MAPRE2: variants seen among roughly 807,000 people sequenced by gnomAD.
MAPRE2 encodes the protein microtubule-associated protein RP/EB family member 2.
Under a neutral mutation model 43.2 loss-of-function variants are expected in MAPRE2, and 13 were observed. The ratio of observed to expected loss-of-function variants is 0.30; its 90% CI spans 0.20 to 0.48. The LOEUF is 0.48. Among genes scored for constraint, MAPRE2 ranks in the 20% least tolerant of loss-of-function variants. The probability of loss-of-function intolerance (pLI) is 0.99; values close to 1 mark genes in which losing one functional copy is unlikely to be tolerated. For missense variants in MAPRE2, 161 were observed against 400.2 expected (o/e 0.40, Z 5.10); for synonymous variants, 135 against 148.8 (o/e 0.91, Z 0.68).
At chr18:34,988,341 T>A (rs1289745433) in intron 1 of MAPRE2, among the ~76,000 whole-genome samples, 1 of 152,216 alleles carries the variant, frequency 6.6e-6, no homozygotes, top group Non-Finnish European at 1.5e-5. Flanking sequence ...TATCATAGAA[T>A]GAATTCTGAA....
intron 2 of MAPRE2, among the ~76,000 whole-genome samples, chr18:35,035,279 G>A (rs371100413): frequency 1.6e-4 from 24 of 150,642 alleles, no homozygotes; most frequent in African/African-American, 4.4e-4. Context: ...ACCAAACACC[G>A]CATGTTCTCA....
chr18:34,992,871 A>C (rs1238742537), intron 1 of MAPRE2, among the ~76,000 whole-genome samples: 1 of 152,142 alleles, frequency 6.6e-6, no homozygotes, highest in Non-Finnish European at 1.5e-5. Flanking sequence ...TCCTGAGCTC[A>C]CGTTTCCCTG....
At chr18:35,043,682 GTAT>G (rs1426962986) in intron 1 of MAPRE2, among the ~76,000 whole-genome samples, 1 of 152,198 alleles carries the variant, frequency 6.6e-6, no homozygotes, top group East Asian at 1.9e-4. Context: ...CACTGCATTT[GTAT>G]TTGATATAAT....
At chr18:35,087,436 G>T (rs939202060) in intron 2 of MAPRE2, among the ~76,000 whole-genome samples, 1 of 152,078 alleles carries the variant, frequency 6.6e-6, no homozygotes, top group Non-Finnish European at 1.5e-5. Context: ...AGCTTTTAAA[G>T]CTTATCTTTT....
chr18:35,012,087 C>T (rs989257527), intron 2 of MAPRE2, among the ~76,000 whole-genome samples: 3 of 152,080 alleles, frequency 2.0e-5, no homozygotes, highest in African/African-American at 7.2e-5. Flanking sequence ...AAGATAGTGC[C>T]CAGTGTCTGG....
intron 1 of MAPRE2, among the ~76,000 whole-genome samples, chr18:35,045,182 G>A (rs748352119): frequency 1.2e-4 from 18 of 152,196 alleles, no homozygotes; most frequent in Non-Finnish European, 2.2e-4. Context: ...AAAAATAAAT[G>A]TGGTGTGGGC....
intron 6 of MAPRE2, among the ~76,000 whole-genome samples, chr18:35,139,316 GTGTGCCC>G (rs1322197600): frequency 3.9e-5 from 6 of 152,190 alleles, no homozygotes; most frequent in South Asian, 4.1e-4. Flanking sequence ...CACAGAAGCT[GTGTGCCC>G]TTACTGAGGG....
rs73412737 is a variant in MAPRE2, at chr18:35,073,320, C to A, written c.250+2998C>A. ...TTATTTATGAAATTATTTATTTATA[C>A]CCTTCATTGTTCTAGAAAATATTTA... On this transcript the variant is annotated intron_variant, in intron 2 of 6. Transcript: ENST00000300249. Among the ~76,000 whole-genome samples the A allele has an allele frequency of 1.2e-3, 182 of 152,148 alleles. 1 individual carries two copies. Among genetic ancestry groups the A allele is most frequent in the African/African-American group, 4.2e-3 (176 of 41,528 alleles).
chr18:35,057,260 C>T (rs1342713472), intron 1 of MAPRE2, among the ~76,000 whole-genome samples: 1 of 152,176 alleles, frequency 6.6e-6, no homozygotes, highest in African/African-American at 2.4e-5. Context: ...GGTGATCAAC[C>T]CGCCTCAGCC....
At chr18:35,137,067 G>C (rs1956252562) in intron 6 of MAPRE2, among the ~76,000 whole-genome samples, 2 of 152,222 alleles carry the variant, frequency 1.3e-5, no homozygotes, top group Admixed American at 6.5e-5. Context: ...ATAGCATTGT[G>C]TGGGCTGTGA....
intron 4 of MAPRE2, among the ~76,000 whole-genome samples, chr18:35,108,161 C>A (rs1264040848): frequency 6.6e-6 from 1 of 152,114 alleles, no homozygotes; most frequent in Non-Finnish European, 1.5e-5. Context: ...TATGATGTTC[C>A]CCTCCCTGTG....
At chr18:34,984,108 T>C (rs1246486545) in intron 1 of MAPRE2, among the ~76,000 whole-genome samples, 1 of 152,160 alleles carries the variant, frequency 6.6e-6, no homozygotes, top group East Asian at 1.9e-4. Flanking sequence ...CAGATTATAA[T>C]CCAGAAATTC....
In MAPRE2 at chr18:35,101,932, A is replaced by AT. The variant is rs749758085; in HGVS notation, c.397-8dup. ...CGTGAGGTTTGTAACTCACATAGTG[A>AT]TTTTTTATTGCAGGTAATTCCAGTG... On this transcript the variant is annotated splice_polypyrimidine_tract_variant and intron_variant, in intron 3 of 6. Transcript: ENST00000300249. 328 of 1,578,800 alleles carry AT rather than the reference A, an allele frequency of 2.1e-4. No individual in the cohort carries two copies. Among genetic ancestry groups the AT allele is most frequent in the South Asian group, 2.3e-4 (20 of 85,426 alleles).
At chr18:34,987,264 T>C (rs1281483082) in intron 1 of MAPRE2, among the ~76,000 whole-genome samples, 4 of 152,254 alleles carry the variant, frequency 2.6e-5, no homozygotes, top group African/African-American at 9.6e-5. Flanking sequence ...AGTATGTTCC[T>C]AATCAAAGTG....
chr18:35,138,605 A>G (rs977772690), intron 6 of MAPRE2, among the ~76,000 whole-genome samples: 1 of 152,212 alleles, frequency 6.6e-6, no homozygotes, highest in Non-Finnish European at 1.5e-5. Flanking sequence ...TCTATTTACC[A>G]TGTGCCAAAT....
At chr18:35,041,812 A>G (rs966504755) in intron 1 of MAPRE2, 151 bp downstream of exon 1, 5 of 1,479,752 alleles carry the variant, frequency 3.4e-6, no homozygotes, top group Admixed American at 2.3e-5. Context: ...ATCTGTTTCC[A>G]TGTGTCATGT....
chr18:35,048,675 C>G (rs544881605), intron 1 of MAPRE2, among the ~76,000 whole-genome samples: 1 of 148,426 alleles, frequency 6.7e-6, no homozygotes, highest in African/African-American at 2.5e-5. Flanking sequence ...TGTATTAATA[C>G]TATACGTACA....
chr18:35,045,444 T>TAA (rs35973215), intron 1 of MAPRE2, among the ~76,000 whole-genome samples: 7 of 151,002 alleles, frequency 4.6e-5, no homozygotes, highest in Admixed American at 6.6e-5. Flanking sequence ...CTGAATACTT[T>TAA]AAAAAAAAAA....
In MAPRE2 at chr18:35,132,015, C is replaced by A; in HGVS notation, c.751-17C>A. 1 of 1,612,438 alleles carries A rather than the reference C, an allele frequency of 6.2e-7. No homozygotes were observed. The highest frequency in any genetic ancestry group is 1.1e-5 in the South Asian group (1 of 90,884). ...TATTTTGGGTGGTTTTTTTTCTTCA[C>A]TCTCACTCCCTTGCAGGTACATTCA... On this transcript the variant is annotated splice_polypyrimidine_tract_variant and intron_variant, in intron 5 of 6. Coordinates refer to ENST00000300249, the MANE Select transcript of MAPRE2 (RefSeq NM_014268.4).
Sources: allele counts gnomAD v4.1 joint callset (sites outside exome capture counted in the v4.1 genomes callset), GRCh38; gene constraint gnomAD v4.1.1; transcripts MANE v1.5; gene names NCBI Gene and HGNC (gene_info 2026-07-23, HGNC 2026-07-21).